The following MAP7D3 variants were observed in gnomAD, a reference collection of about 807,000 sequenced individuals.
MAP7D3 encodes the protein MAP7 domain containing 3.
A neutral mutation model predicts 62.2 loss-of-function variants in MAP7D3; 45 were observed. That is an observed-to-expected ratio of 0.72 (90% CI 0.57 to 0.93). MAP7D3 has a LOEUF of 0.93. Among genes scored for constraint, MAP7D3 ranks in the 40% least tolerant of loss-of-function variants. MAP7D3 has a pLI of 0.00. For missense variants in MAP7D3, 711 were observed against 683.1 expected (o/e 1.04, Z -0.45); for synonymous variants, 288 against 248.8 (o/e 1.16, Z -1.48).
At position 136,218,761 on chromosome X, in the gene MAP7D3, C is replaced by T. The variant is rs189814503; in HGVS notation, c.*33-268G>A. Among the ~76,000 whole-genome samples the T allele has an allele frequency of 1.2e-3, 129 of 112,015 alleles. 2 individuals carry two copies. Among genetic ancestry groups the T allele is most frequent in the African/African-American group, 3.9e-3 (122 of 30,906 alleles). On this transcript the variant is annotated intron_variant, in intron 18 of 18. Coordinates refer to ENST00000316077, the MANE Select transcript of MAP7D3 (RefSeq NM_024597.4). ...AGGTTGAGGCTTATTCCGAAGACCT[C>T]CCTAATCTTCTGCCCTAAGCAACTG...
Position 136,219,378 on chromosome X carries a change from T to C in MAP7D3, c.*32+20A>G. 1.0e-6 allele frequency: 1 copy of C among 982,589 alleles called. No individual in the cohort carries two copies. The highest frequency in any genetic ancestry group is 1.4e-6 in the Non-Finnish European group (1 of 702,918). The allele number at this position is 982,589 out of a possible 1,213,427, so 81.0% of individuals were successfully genotyped here. On this transcript the variant is annotated intron_variant, in intron 18 of 18. Coordinates refer to ENST00000316077, the MANE Select transcript of MAP7D3 (RefSeq NM_024597.4). ...GGTCAATTGCCTTTCAAGAAAAAGG[T>C]AGATGAGATGAGGACTTACCCAAAT...
chrX:136,230,985 T>A lies in MAP7D3; in HGVS notation c.1414-19A>T, dbSNP rs2074260350. ...CTGATTTCTGAACAGATAAACACAG[T>A]ATGGTAAATTACTAACAAACAATTC... On this transcript the variant is annotated intron_variant, in intron 8 of 18. Coordinates refer to ENST00000316077, the MANE Select transcript of MAP7D3 (RefSeq NM_024597.4). 8.9e-7 allele frequency: 1 copy of A among 1,127,313 alleles called. No homozygotes were observed. The allele number at this position is 1,127,313 out of a possible 1,213,427, so 92.9% of individuals were successfully genotyped here.
At chrX:136,219,294 C>A in intron 18 of MAP7D3, 104 bp downstream of exon 18, 1 of 463,757 alleles carries the variant, frequency 2.2e-6, no homozygotes, top group Non-Finnish European at 3.7e-6. Flanking sequence ...CCTTCTCTTC[C>A]AAAGCTATAT....
Position 136,244,647 on chromosome X carries a change from C to T in MAP7D3, c.402G>A (p.Lys134=). Residue 134 remains lysine (K), a synonymous_variant, in exon 4 of 19, where the codon AAG becomes AAA. Coordinates refer to ENST00000316077, the MANE Select transcript of MAP7D3 (RefSeq NM_024597.4). ...AATTATGTACCTTTTGTGCTTCATC[C>T]TTCTGGTGTCTTTTTTCTTCTGCAG... The part of the protein sequence containing the change: ...RIAAEEKRHQ[K]DEAQKEKFTA... 3.3e-6 allele frequency: 4 copies of T among 1,208,891 alleles called. No homozygotes were observed. Among genetic ancestry groups the T allele is most frequent in the Non-Finnish European group, 4.5e-6 (4 of 894,470 alleles).
At chrX:136,219,089 G>A (rs1213088718) in intron 18 of MAP7D3, among the ~76,000 whole-genome samples, 1 of 112,514 alleles carries the variant, frequency 8.9e-6, no homozygotes, top group East Asian at 2.8e-4. Flanking sequence ...GACCTCAAGT[G>A]ATCTGCCCGC....
At chrX:136,213,509 T>A (rs1258452024), downstream of MAP7D3, 1 of 110,758 alleles carries the variant, frequency 9.0e-6, no homozygotes, top group Admixed American at 9.6e-5. Flanking sequence ...CTGTGAGACG[T>A]AAAATTTCTA....
At chrX:136,224,744 C>T in intron 14 of MAP7D3, 83 bp downstream of exon 14, 4 of 605,211 alleles carry the variant, frequency 6.6e-6, no homozygotes, top group Non-Finnish European at 8.0e-6. Flanking sequence ...TCATTACCAC[C>T]AGATTGGGTA....
Position 136,244,694 on chromosome X carries a change from T to C in MAP7D3, c.355A>G (p.Lys119Glu). ...RQRKLKERKE[K>E]EEQRRIAAEE... Reference sequence around the variant, plus strand: ...GCAGCTATTCTCCGTTGTTCTTCTTTCTCTTTTCGCTCCTTCAGCTTTCTC... The same window carrying C: ...GCAGCTATTCTCCGTTGTTCTTCTTCCTCTTTTCGCTCCTTCAGCTTTCTC... Residue 119 changes from lysine to glutamate, a missense_variant, in exon 4 of 19, where the codon AAA becomes GAA. Transcript: ENST00000316077. 2.5e-6 allele frequency: 3 copies of C among 1,209,656 alleles called. No homozygotes were observed. Among genetic ancestry groups the C allele is most frequent in the African/African-American group, 3.5e-5 (2 of 57,835 alleles).
intron 11 of MAP7D3, 116 bp downstream of exon 11, chrX:136,228,507 A>T: frequency 1.3e-6 from 1 of 758,851 alleles, no homozygotes; most frequent in Non-Finnish European, 1.9e-6. Context: ...TCTGATCCTC[A>T]CTGAAGAAAG....
At chrX:136,222,742 A>G (rs1308597783) in intron 14 of MAP7D3, among the ~76,000 whole-genome samples, 2 of 111,586 alleles carry the variant, frequency 1.8e-5, no homozygotes, top group Non-Finnish European at 3.8e-5. Flanking sequence ...AGGGAATATA[A>G]CTTTGGGTTG....
At chrX:136,221,577 G>A (rs1007002037) in intron 15 of MAP7D3, among the ~76,000 whole-genome samples, 1 of 112,089 alleles carries the variant, frequency 8.9e-6, no homozygotes, top group Non-Finnish European at 1.9e-5. Flanking sequence ...CGCCCACCTC[G>A]GCCTCCCAAA....
At chrX:136,220,103 T>C (rs749943158) in intron 16 of MAP7D3, among the ~76,000 whole-genome samples, 1 of 112,193 alleles carries the variant, frequency 8.9e-6, no homozygotes, top group Admixed American at 9.4e-5. Context: ...AGCATTCCTT[T>C]CCATGAATCA....
Position 136,230,657 on chromosome X carries a change from T to C in MAP7D3, c.1542-64A>G, listed in dbSNP as rs1044817845. On this transcript the variant is annotated intron_variant, in intron 9 of 18. Coordinates refer to ENST00000316077, the MANE Select transcript of MAP7D3 (RefSeq NM_024597.4). ...GTGTACAATTTCATAAAATATAAGA[T>C]GCTATTATGAGATGACATTATAATC... The C allele has an allele frequency of 1.0e-5, 9 of 891,975 alleles. No individual in the cohort carries two copies. The East Asian group carries it at 2.5e-4, about 25-fold the overall frequency. The allele number at this position is 891,975 out of a possible 1,213,427, so 73.5% of individuals were successfully genotyped here.
intron 16 of MAP7D3, 199 bp from the exon 17 acceptor site, chrX:136,219,870 T>C (rs757136728): frequency 6.0e-5 from 28 of 469,156 alleles, no homozygotes; most frequent in Non-Finnish European, 9.7e-5. Flanking sequence ...CAGAAAGCCC[T>C]AGGTCCCACG....
intron 15 of MAP7D3, 35 bp from the exon 16 acceptor site, chrX:136,220,998 T>C (rs2074120265): frequency 9.7e-7 from 1 of 1,026,225 alleles, no homozygotes; most frequent in Non-Finnish European, 1.4e-6. Context: ...AATATGGAGT[T>C]TCAATAAAGA....
At chrX:136,233,249 C>T (rs1013995319) in intron 7 of MAP7D3, among the ~76,000 whole-genome samples, 1 of 106,838 alleles carries the variant, frequency 9.4e-6, no homozygotes, top group Non-Finnish European at 1.9e-5. Flanking sequence ...ACATCTTCTA[C>T]ACGAAATATT....
At position 136,230,986 on chromosome X, in the gene MAP7D3, A is replaced by G; in HGVS notation, c.1414-20T>C. On this transcript the variant is annotated intron_variant, in intron 8 of 18. Transcript: ENST00000316077. ...TGATTTCTGAACAGATAAACACAGT[A>G]TGGTAAATTACTAACAAACAATTCT... is the stretch of plus-strand genomic sequence containing the variant. 1 of 1,100,128 alleles carries G rather than the reference A, an allele frequency of 9.1e-7. No individual in the cohort carries two copies. Among genetic ancestry groups the G allele is most frequent in the Non-Finnish European group, 1.2e-6 (1 of 824,890 alleles). The allele number at this position is 1,100,128 out of a possible 1,213,427, so 90.7% of individuals were successfully genotyped here.
intron 11 of MAP7D3, 41 bp from the exon 12 acceptor site, chrX:136,227,472 C>A: frequency 9.8e-7 from 1 of 1,025,460 alleles, no homozygotes; most frequent in Non-Finnish European, 1.3e-6. Context: ...ATCTTGATTG[C>A]TATCATACTC....
intron 13 of MAP7D3, 111 bp from the exon 14 acceptor site, chrX:136,224,991 G>A (rs186237042): frequency 6.2e-6 from 3 of 486,961 alleles, no homozygotes; most frequent in African/African-American, 4.8e-5. Flanking sequence ...GGCAGTGATT[G>A]CTCCAAAACC....
Sources: gnomAD v4.1 joint callset for allele counts (sites outside exome capture counted in the v4.1 genomes callset) on GRCh38, gnomAD v4.1.1 for gene constraint, MANE v1.5 for transcripts, NCBI Gene and HGNC (gene_info 2026-07-23, HGNC 2026-07-21) for gene names.